Variants in CELSR2 observed in about 807,000 individuals in gnomAD.
CELSR2 encodes cadherin EGF LAG seven-pass G-type receptor 2, also known as EGF-like protein 2.
Under a neutral mutation model 251.6 loss-of-function variants are expected in CELSR2, and 81 were observed. The ratio of observed to expected loss-of-function variants is 0.32; its 90% CI spans 0.27 to 0.39. The LOEUF (loss-of-function observed/expected upper bound fraction) is 0.39. Among genes scored for constraint, CELSR2 ranks in the 10% least tolerant of loss-of-function variants. The probability of loss-of-function intolerance (pLI) is 1.00; values close to 1 mark genes in which losing one functional copy is unlikely to be tolerated. For missense variants in CELSR2, 3,365 were observed against 3,947.7 expected (o/e 0.85, Z 3.96); for synonymous variants, 1,721 against 1,670.5 (o/e 1.03, Z -0.74).
Position 109,263,682 on chromosome 1 carries a change from C to T in CELSR2, c.4906C>T (p.Gln1636Ter). The T allele has an allele frequency of 6.2e-7, 1 of 1,614,018 alleles. No homozygotes were observed. The highest frequency in any genetic ancestry group is 8.5e-7 in the Non-Finnish European group (1 of 1,179,990). The change falls in exon 9 of 34, where the codon CAA (glutamine) becomes TAA (stop). Residue 1636 changes from glutamine (Q) to a stop codon, truncating the protein, a stop_gained. Transcript: ENST00000271332. LOFTEE classifies it high-confidence loss of function. Reference sequence around the variant, plus strand: ...GCATGGCCTCTCGCTGCCCATCTCCCAACCCTGGTACCTCAGCCTCATGTT... The same window carrying T: ...GCATGGCCTCTCGCTGCCCATCTCCTAACCCTGGTACCTCAGCCTCATGTT... ...AWHGLSLPIS[Q>*]PWYLSLMFRT...
rs1315377581 is a variant in CELSR2, at chr1:109,268,592, G to A, written c.6330G>A (p.Arg2110=). ...QDVHFTENLL[R]VGSALLDTAN... Reference sequence around the variant, plus strand: ...CTTGCCCACCCCAGAATCTGCTGCGGGTGGGCAGCGCCCTCCTGGACACAG... The same window carrying A: ...CTTGCCCACCCCAGAATCTGCTGCGAGTGGGCAGCGCCCTCCTGGACACAG... The change falls in exon 18 of 34, where the codon CGG becomes CGA. Residue 2110 remains arginine, a synonymous_variant. Transcript: ENST00000271332. 1.9e-6 allele frequency: 3 copies of A among 1,609,936 alleles called. No individual in the cohort carries two copies. The highest frequency in any genetic ancestry group is 3.3e-5 in the Admixed American group (2 of 59,710).
Position 109,262,982 on chromosome 1 carries a change from G to A in CELSR2, c.4708+13G>A, listed in dbSNP as rs367646411. The A allele has an allele frequency of 4.7e-5, 75 of 1,608,530 alleles. No homozygotes were observed. The highest frequency in any genetic ancestry group is 2.5e-4 in the African/African-American group (19 of 74,984). On this transcript the variant is annotated intron_variant, in intron 7 of 33. Coordinates refer to ENST00000271332, the MANE Select transcript of CELSR2 (RefSeq NM_001408.3). ...GGCACCGTGCCTGGTATGGGGGCCC[G>A]GGGTGGAGCCAGGCTGGGATCCCAG...
Position 109,273,686 on chromosome 1 carries a change from T to TGGG in CELSR2, c.8744+17_8744+19dup. 2.0e-6 allele frequency: 1 copy of TGGG among 503,294 alleles called. No homozygotes were observed. The highest frequency in any genetic ancestry group is 3.5e-6 in the Non-Finnish European group (1 of 287,056). 31.2% of individuals were successfully genotyped at this position (503,294 alleles called of 1,614,324 possible). On this transcript the variant is annotated intron_variant, in intron 33 of 33. Coordinates refer to ENST00000271332, the MANE Select transcript of CELSR2 (RefSeq NM_001408.3). ...CAGGCTCCGAGTGAGTGTGGCCGGG[T>TGGG]GGGCGGGACGGGGTGCAGCCCCTCG... is the stretch of plus-strand genomic sequence containing the variant.
At chr1:109,263,953 C>A in intron 9 of CELSR2, 125 bp from the exon 10 acceptor site, 1 of 1,411,756 alleles carries the variant, frequency 7.1e-7, no homozygotes, top group Non-Finnish European at 9.5e-7. Flanking sequence ...AATAAATACG[C>A]TTTCCTCTCT....
chr1:109,270,441 A>G lies in CELSR2; in HGVS notation c.7324A>G (p.Ile2442Val), dbSNP rs773300166. The G allele has an allele frequency of 1.9e-6, 3 of 1,614,162 alleles. No homozygotes were observed. In the Admixed American group the frequency reaches 5.0e-5, roughly 27 times the overall value. Residue 2442 changes from isoleucine (I) to valine (V), a missense_variant, in exon 24 of 34, where the codon ATT (isoleucine) becomes GTT (valine). This residue lies in a region of CELSR2 where 2,093 missense variants were observed against 2,382.8 expected (regional missense o/e 0.88). Coordinates refer to ENST00000271332, the MANE Select transcript of CELSR2 (RefSeq NM_001408.3). ...GGGCCCTCAGTTTGCCTGCACAGTC[A>G]TTGCCATCCTGCTGCACTTCCTGTA... is the stretch of plus-strand genomic sequence containing the variant. ...QADLPFACTV[I>V]AILLHFLYLC...
intron 2 of CELSR2, among the ~76,000 whole-genome samples, chr1:109,260,051 G>A (rs776979911): frequency 5.1e-4 from 77 of 151,040 alleles, no homozygotes; most frequent in South Asian, 8.4e-4. Context: ...CTCCTTCCCC[G>A]CTGCATCTTC....
In CELSR2 at chr1:109,261,881, G is replaced by A. The variant is rs1436346530; in HGVS notation, c.4371G>A (p.Leu1457=). 2 of 1,583,138 alleles carry A rather than the reference G, an allele frequency of 1.3e-6. No individual in the cohort carries two copies. The highest frequency in any genetic ancestry group is 1.1e-5 in the South Asian group (1 of 87,240). ...ATGGCCAGTGGCATACGGTGCAGCT[G>A]AAATACTACAATAAGGTGGGTGTGG... ...VSDGQWHTVQ[L]KYYNKPLLGQ... is the part of the protein sequence containing the mutation. The change falls in exon 5 of 34, where the codon CTG becomes CTA. Residue 1457 remains leucine (L), a synonymous_variant. Transcript: ENST00000271332. This position sits in a 1 kb window ranked among gnomAD's most constrained non-coding sequence, Gnocchi z 4.8.
Position 109,252,886 on chromosome 1 carries a change from T to C in CELSR2, c.2807T>C (p.Ile936Thr). 1.9e-6 allele frequency: 3 copies of C among 1,612,876 alleles called. No homozygotes were observed. The highest frequency in any genetic ancestry group is 2.2e-5 in the East Asian group (1 of 44,856). The change falls in exon 1 of 34, where the codon ATT (isoleucine) becomes ACT (threonine). Residue 936 changes from isoleucine (I) to threonine (T), a missense_variant. Ile to Thr is a moderately conservative substitution (Grantham distance 89). Transcript: ENST00000271332. This position sits in a 1 kb window ranked among gnomAD's most constrained non-coding sequence, Gnocchi z 4.8. Reference protein sequence around the residue: ...FDVFVEENSPIGLAVARVTAT... With the variant: ...FDVFVEENSPTGLAVARVTAT... ...GTGTTTGTGGAAGAGAACAGCCCCA[T>C]TGGGCTAGCCGTGGCCCGGGTCACA...
At chr1:109,273,711 G>A (rs548313205) in intron 33 of CELSR2, 41 bp downstream of exon 33, 118 of 1,399,590 alleles carry the variant, frequency 8.4e-5, no homozygotes, top group Non-Finnish European at 1.0e-4. Context: ...GCAGCCCCTC[G>A]GAGGCCTCAC....
At chr1:109,254,299 G>C (rs1026285881) in intron 1 of CELSR2, among the ~76,000 whole-genome samples, 21 of 152,224 alleles carry the variant, frequency 1.4e-4, no homozygotes, top group Admixed American at 1.3e-4. Flanking sequence ...TATCTGAGGA[G>C]AGAACAGAGT....
Position 109,252,031 on chromosome 1 carries a change from A to G in CELSR2, c.1952A>G (p.Asn651Ser). 3.7e-6 allele frequency: 6 copies of G among 1,614,058 alleles called. No homozygotes were observed. The highest frequency in any genetic ancestry group is 4.2e-6 in the Non-Finnish European group (5 of 1,180,022). ...SVITYQITSG[N>S]TRNRFSITSQ... The stretch of plus-strand genomic sequence containing the variant: ...ATCACCTACCAGATCACCAGTGGCA[A>G]TACTCGAAACCGCTTCTCCATCACC... Residue 651 changes from asparagine (N) to serine (S), a missense_variant, in exon 1 of 34, where the codon AAT (asparagine) becomes AGT (serine). Asn to Ser is a conservative substitution (Grantham distance 46). This residue lies in a region of CELSR2 where 60 missense variants were observed against 104.8 expected (regional missense o/e 0.57). Coordinates refer to ENST00000271332, the MANE Select transcript of CELSR2 (RefSeq NM_001408.3). The surrounding 1 kb of genome is among the most constrained non-coding windows in gnomAD (Gnocchi z 4.8).
intron 16 of CELSR2, 91 bp from the exon 17 acceptor site, chr1:109,267,760 C>T (rs527585915): frequency 1.9e-6 from 3 of 1,560,742 alleles, no homozygotes; most frequent in African/African-American, 1.4e-5. Flanking sequence ...TTCCTGGGCT[C>T]CCAGCTGGAG....
In CELSR2 at chr1:109,273,268, A is replaced by G. The variant is rs747680210; in HGVS notation, c.8441A>G (p.Asn2814Ser). The G allele has an allele frequency of 1.2e-6, 2 of 1,610,440 alleles. No homozygotes were observed. The highest frequency in any genetic ancestry group is 1.7e-6 in the Non-Finnish European group (2 of 1,178,372). The change falls in exon 32 of 34, where the codon AAT (asparagine) becomes AGT (serine). Residue 2814 changes from asparagine to serine, a missense_variant. By Grantham distance (46) the Asn-to-Ser change is conservative. Around this residue, in one of 5 missense-constraint regions of CELSR2, gnomAD observed 2,093 missense variants for 2,382.8 expected, o/e 0.88. Coordinates refer to ENST00000271332, the MANE Select transcript of CELSR2 (RefSeq NM_001408.3). Reference sequence around the variant, plus strand: ...GCCCCTGAGGAGCGGCTGCGGGAGAATGGAGATGCCCTGTCTCGAGAGGGG... The same window carrying G: ...GCCCCTGAGGAGCGGCTGCGGGAGAGTGGAGATGCCCTGTCTCGAGAGGGG... ...NGAPEERLRE[N>S]GDALSREGSL... is the part of the protein sequence containing the mutation.
chr1:109,267,522 C>G (rs182422235), intron 15 of CELSR2, 26 bp from the exon 16 acceptor site: 1 of 1,607,138 alleles, frequency 6.2e-7, no homozygotes. Context: ...TCCCTGAGGC[C>G]GGCCCTTTTG....
chr1:109,267,299 A>C (rs1393853506), intron 15 of CELSR2, among the ~76,000 whole-genome samples: 1 of 152,106 alleles, frequency 6.6e-6, no homozygotes, highest in South Asian at 2.1e-4. Flanking sequence ...TGGTGGCTGG[A>C]GACAGGCAGG....
Position 109,262,444 on chromosome 1 carries a change from A to C in CELSR2, c.4544A>C (p.Lys1515Thr), listed in dbSNP as rs569791455. The C allele has an allele frequency of 6.2e-7, 1 of 1,613,610 alleles. No individual in the cohort carries two copies. Among genetic ancestry groups the C allele is most frequent in the African/African-American group, 1.3e-5 (1 of 75,054 alleles). ...AAQGTQGGSKKSLDLTGPLLL... is the reference protein window; with the variant it reads ...AAQGTQGGSKTSLDLTGPLLL... ...CAGGGCACCCAGGGTGGCAGCAAGA[A>C]GTGAGCAGGGGAAAGGGCCAGGGAT... The change falls in exon 6 of 34, where the codon AAG (lysine) becomes ACG (threonine). Residue 1515 changes from lysine (K) to threonine (T), a missense_variant and splice_region_variant. By Grantham distance (78) the Lys-to-Thr change is moderately conservative (BLOSUM62 -1). Around this residue, in one of 5 missense-constraint regions of CELSR2, gnomAD observed 2,093 missense variants for 2,382.8 expected, o/e 0.88. Transcript: ENST00000271332.
At chr1:109,273,981 C>T in intron 33 of CELSR2, 41 bp from the exon 34 acceptor site, 2 of 1,611,602 alleles carry the variant, frequency 1.2e-6, no homozygotes, top group Non-Finnish European at 1.7e-6. Context: ...AACTAACCCT[C>T]TGTCTGCCTT....
At chr1:109,263,550 C>G in intron 8 of CELSR2, 61 bp from the exon 9 acceptor site, 1 of 1,586,738 alleles carries the variant, frequency 6.3e-7, no homozygotes, top group African/African-American at 1.3e-5. Flanking sequence ...CGCTGAGCAT[C>G]ACAGCCCCAG....
intron 1 of CELSR2, 116 bp downstream of exon 1, chr1:109,253,505 T>C: frequency 6.9e-7 from 1 of 1,459,748 alleles, no homozygotes; most frequent in Non-Finnish European, 9.0e-7. Context: ...CCCTGCCCAG[T>C]GCCTGGCACA....
Sources: allele counts gnomAD v4.1 joint callset (sites outside exome capture counted in the v4.1 genomes callset), GRCh38; gene constraint gnomAD v4.1.1; regional missense constraint gnomAD v4.1.1; non-coding constraint Gnocchi (gnomAD v3.1); transcripts MANE v1.5; gene names NCBI Gene and HGNC (gene_info 2026-07-23, HGNC 2026-07-21).